DDX60: variants seen among roughly 807,000 people sequenced by gnomAD.
DDX60 encodes the protein DExD/H-box helicase 60, also known as probable ATP-dependent RNA helicase DDX60.
In DDX60, 165 loss-of-function variants were observed where a neutral mutation model predicts 212.8. That is an observed-to-expected ratio of 0.78 (90% confidence interval 0.68 to 0.88). DDX60 has a LOEUF of 0.88. Among genes scored for constraint, DDX60 ranks in the 40% least tolerant of loss-of-function variants. The pLI is 0.00. For missense variants in DDX60, 1,905 were observed against 2,003.9 expected (o/e 0.95, Z 0.94); for synonymous variants, 703 against 685.3 (o/e 1.03, Z -0.40).
chr4:168,226,268 G>A (rs1419324528), intron 33 of DDX60, among the ~76,000 whole-genome samples: 1 of 151,936 alleles, frequency 6.6e-6, no homozygotes, highest in East Asian at 1.9e-4. Context: ...TGGACTGAAT[G>A]TTTCATATTT....
At chr4:168,313,082 ATAAC>A (rs1279698026) in intron 1 of DDX60, among the ~76,000 whole-genome samples, 1 of 152,184 alleles carries the variant, frequency 6.6e-6, no homozygotes, top group Non-Finnish European at 1.5e-5. Flanking sequence ...AAGTTGAAAG[ATAAC>A]TAAGTGACAC....
chr4:168,243,497 GA>G (rs1733920029), intron 30 of DDX60, among the ~76,000 whole-genome samples: 4 of 152,046 alleles, frequency 2.6e-5, no homozygotes, highest in African/African-American at 9.7e-5. Context: ...GCCAACATAT[GA>G]AAAAAACTCA....
rs779870296 is a variant in DDX60, at chr4:168,225,661, G to T, written c.4549C>A (p.Leu1517Ile). ...AAAGCATCACTAAAATCCTCAGGGA[G>T]ATCATCAAGGAACACCTAGAAGCCG... is the stretch of plus-strand genomic sequence containing the variant. The part of the protein sequence containing the change: ...FYQSKVFLDD[L>I]PEDFSDALDE... The change falls in exon 34 of 38, where the codon CTC (leucine) becomes ATC (isoleucine). Residue 1517 changes from leucine (L) to isoleucine (I), a missense_variant. By Grantham distance (5) the Leu-to-Ile change is conservative. Transcript: ENST00000393743. 3.1e-6 allele frequency: 5 copies of T among 1,610,274 alleles called. No homozygotes were observed. The highest frequency in any genetic ancestry group is 2.2e-5 in the East Asian group (1 of 44,614).
At chr4:168,218,406 A>G (rs1445958517) in intron 37 of DDX60, among the ~76,000 whole-genome samples, 2 of 152,076 alleles carry the variant, frequency 1.3e-5, no homozygotes, top group East Asian at 3.9e-4. Flanking sequence ...TTTTTTTACC[A>G]ATTTCTTGAA....
chr4:168,307,230 A>G (rs1736924239), intron 4 of DDX60, among the ~76,000 whole-genome samples: 1 of 152,188 alleles, frequency 6.6e-6, no homozygotes, highest in Admixed American at 6.5e-5. Flanking sequence ...GCATTCAGCC[A>G]TGTTCAGAAA....
In DDX60 at chr4:168,237,359, T is replaced by C; in HGVS notation, c.4338A>G (p.Glu1446=). 3 of 1,599,622 alleles carry C rather than the reference T, an allele frequency of 1.9e-6. No homozygotes were observed. The highest frequency in any genetic ancestry group is 2.6e-6 in the Non-Finnish European group (3 of 1,173,302). ...AACTGACAAAAACAAGATTAGAAGG[T>C]TCATGATAATGCAAATGTGATACAA... is the stretch of plus-strand genomic sequence containing the variant. ...AGLVSHLHYH[E]PSNLVFVSFL... The change falls in exon 32 of 38, where the codon GAA becomes GAG. Residue 1446 remains glutamate (E), a synonymous_variant. Coordinates refer to ENST00000393743, the MANE Select transcript of DDX60 (RefSeq NM_017631.6).
chr4:168,303,709 C>T (rs1264770949), intron 5 of DDX60, among the ~76,000 whole-genome samples: 6 of 152,146 alleles, frequency 3.9e-5, no homozygotes, highest in Non-Finnish European at 8.8e-5. Flanking sequence ...ATAGGCTGGG[C>T]GTGGTGGCTC....
chr4:168,241,598 C>T (rs1039263084), intron 30 of DDX60, among the ~76,000 whole-genome samples: 5 of 151,714 alleles, frequency 3.3e-5, no homozygotes, highest in Non-Finnish European at 7.4e-5. Flanking sequence ...TATGGAACTT[C>T]GAACTTGAGA....
chr4:168,281,679 G>T (rs1735600277), intron 13 of DDX60, among the ~76,000 whole-genome samples: 1 of 152,162 alleles, frequency 6.6e-6, no homozygotes, highest in African/African-American at 2.4e-5. Flanking sequence ...AGACAAATTA[G>T]AGAATTGTTG....
chr4:168,277,353 G>T (rs1381849364), intron 14 of DDX60, among the ~76,000 whole-genome samples: 2 of 152,120 alleles, frequency 1.3e-5, no homozygotes, highest in Non-Finnish European at 2.9e-5. Flanking sequence ...GTTTTTGTTG[G>T]TTCCCTTAAC....
intron 26 of DDX60, among the ~76,000 whole-genome samples, chr4:168,252,864 G>A (rs988533620): frequency 2.0e-5 from 3 of 151,930 alleles, no homozygotes; most frequent in African/African-American, 7.3e-5. Context: ...GAGTGTAATG[G>A]CGTGATCTCA....
intron 30 of DDX60, 45 bp from the exon 31 acceptor site, chr4:168,237,840 C>T (rs369230742): frequency 1.4e-4 from 193 of 1,375,894 alleles, no homozygotes; most frequent in South Asian, 1.9e-4. Context: ...TTAAGTGTTA[C>T]GAAATACGTT....
intron 1 of DDX60, among the ~76,000 whole-genome samples, chr4:168,314,815 ACT>A (rs1737294146): frequency 6.6e-6 from 1 of 152,222 alleles, no homozygotes; most frequent in South Asian, 2.1e-4. Context: ...ATATACTTAA[ACT>A]AATATACTAA....
Position 168,291,537 on chromosome 4 carries a change from C to T in DDX60, c.1041+211G>A, listed in dbSNP as rs527467897. On this transcript the variant is annotated intron_variant, in intron 8 of 37. Transcript: ENST00000393743. ...ATTTAACAAAGGAAAAATAGAGAGG[C>T]TTTTTCCTTAGGTTAGATATATATC... 2.6e-5 allele frequency among the ~76,000 whole-genome samples: 4 copies of T among 152,276 alleles called. No individual in the cohort carries two copies. The South Asian group carries it at 6.2e-4, about 24-fold the overall frequency.
intron 18 of DDX60, 47 bp downstream of exon 18, chr4:168,273,232 T>C: frequency 6.4e-7 from 1 of 1,569,010 alleles, no homozygotes; most frequent in Non-Finnish European, 8.7e-7. Context: ...GACATACAAG[T>C]ACAGTTATAT....
intron 26 of DDX60, among the ~76,000 whole-genome samples, 159 bp downstream of exon 26, chr4:168,255,552 A>C (rs1384657179): frequency 6.6e-6 from 1 of 152,216 alleles, no homozygotes; most frequent in African/African-American, 2.4e-5. Context: ...ATGGTCACTC[A>C]TCTTTATCCC....
chr4:168,241,313 G>A (rs1259556567), intron 30 of DDX60, among the ~76,000 whole-genome samples: 4 of 152,172 alleles, frequency 2.6e-5, no homozygotes, highest in Non-Finnish European at 5.9e-5. Context: ...AAAGATACCT[G>A]AAAATGTGGA....
chr4:168,255,163 G>A lies in DDX60; in HGVS notation c.3557+548C>T, dbSNP rs1448482277. 2.0e-5 allele frequency among the ~76,000 whole-genome samples: 3 copies of A among 152,172 alleles called. No homozygotes were observed. The South Asian group carries it at 6.2e-4, about 32-fold the overall frequency. On this transcript the variant is annotated intron_variant, in intron 26 of 37. Coordinates refer to ENST00000393743, the MANE Select transcript of DDX60 (RefSeq NM_017631.6). ...CTTAAGATGGAGAGGATCATAGAGAGGGGATAAACATTTTGGCCCTAGAGT... is the reference window on the plus strand; with the variant it reads ...CTTAAGATGGAGAGGATCATAGAGAAGGGATAAACATTTTGGCCCTAGAGT...
chr4:168,277,636 G>A (rs772706678), intron 14 of DDX60, among the ~76,000 whole-genome samples: 1 of 151,698 alleles, frequency 6.6e-6, no homozygotes, highest in Non-Finnish European at 1.5e-5. Flanking sequence ...AGGAGATGGA[G>A]ACCATCCTGG....
Sources: allele counts gnomAD v4.1 joint callset (sites outside exome capture counted in the v4.1 genomes callset), GRCh38; gene constraint gnomAD v4.1.1; transcripts MANE v1.5; gene names NCBI Gene and HGNC (gene_info 2026-07-23, HGNC 2026-07-21).